Variants in MDGA2 observed in about 807,000 individuals in gnomAD.
The protein encoded by MDGA2 is MAM domain containing glycosylphosphatidylinositol anchor 2, also known as MAM domain-containing glycosylphosphatidylinositol anchor protein 2.
In MDGA2, 40 loss-of-function variants were observed where a neutral mutation model predicts 117.8. The observed-to-expected ratio is 0.34, with a 90% CI of 0.26 to 0.44. MDGA2 has a LOEUF of 0.44. MDGA2 is among the 20% of genes least tolerant of loss of function. MDGA2 has a pLI of 1.00. For missense variants in MDGA2, 1,123 were observed against 1,250.6 expected (o/e 0.90, Z 1.54); for synonymous variants, 452 against 439.0 (o/e 1.03, Z -0.37).
chr14:47,269,378 A>C lies in MDGA2; in HGVS notation c.420+32033T>G, dbSNP rs1888071398. 2.0e-5 allele frequency among the ~76,000 whole-genome samples: 3 copies of C among 152,186 alleles called. No homozygotes were observed. In the South Asian group the frequency reaches 6.2e-4, roughly 31 times the overall value. On this transcript the variant is annotated intron_variant, in intron 2 of 16. Transcript: ENST00000399232. ...CCAATTTCCTTATCCAAAAAGTAAA[A>C]AGACTAGACAGGACAGTTTTCATAG...
chr14:47,658,074 C>T (rs538068619), intron 1 of MDGA2, among the ~76,000 whole-genome samples: 1 of 152,186 alleles, frequency 6.6e-6, no homozygotes, highest in East Asian at 1.9e-4. Flanking sequence ...GGACACTTTT[C>T]TTAGGGACAA....
At chr14:47,100,673 A>G (rs1015337602) in intron 5 of MDGA2, among the ~76,000 whole-genome samples, 1 of 152,198 alleles carries the variant, frequency 6.6e-6, no homozygotes, top group African/African-American at 2.4e-5. Flanking sequence ...ACAGTATGAA[A>G]TATTTATTTG....
intron 7 of MDGA2, among the ~76,000 whole-genome samples, chr14:47,053,707 C>A (rs1889558082): frequency 6.8e-6 from 1 of 147,512 alleles, no homozygotes; most frequent in African/African-American, 2.5e-5. Flanking sequence ...GTCTGAGAAT[C>A]AGAATCCTTT....
chr14:47,003,051 C>T (rs976873240), intron 8 of MDGA2, among the ~76,000 whole-genome samples: 4 of 152,054 alleles, frequency 2.6e-5, no homozygotes, highest in Admixed American at 6.6e-5. Context: ...TCTCTCTCAC[C>T]GTACATTAGT....
intron 1 of MDGA2, among the ~76,000 whole-genome samples, chr14:47,316,321 TACAAAATCCA>T (rs1177774735): frequency 6.6e-6 from 1 of 152,124 alleles, no homozygotes; most frequent in Non-Finnish European, 1.5e-5. Context: ...CAATAATTTC[TACAAAATCCA>T]AAGAAACCAA....
intron 1 of MDGA2, among the ~76,000 whole-genome samples, chr14:47,396,715 C>T (rs4329827): frequency 0.72 from 109,504 of 152,062 alleles, 39,694 homozygotes; most frequent in Middle Eastern, 0.82. Flanking sequence ...ATTTATGTGG[C>T]CAACAAGTAT....
intron 3 of MDGA2, among the ~76,000 whole-genome samples, chr14:47,181,146 A>G (rs1403706455): frequency 6.6e-6 from 1 of 152,138 alleles, no homozygotes; most frequent in Non-Finnish European, 1.5e-5. Context: ...ATAGGTATAC[A>G]TGAGCCATCG....
At chr14:46,952,559 G>A (rs1885406342) in intron 9 of MDGA2, among the ~76,000 whole-genome samples, 1 of 151,922 alleles carries the variant, frequency 6.6e-6, no homozygotes, top group African/African-American at 2.4e-5. Context: ...TCAGAGAAAA[G>A]CATTTACAGC....
At chr14:47,549,044 G>A (rs1047195975) in intron 1 of MDGA2, among the ~76,000 whole-genome samples, 4 of 152,094 alleles carry the variant, frequency 2.6e-5, no homozygotes, top group African/African-American at 9.7e-5. Flanking sequence ...TCAGGGATCT[G>A]CCAGACAGGT....
chr14:47,515,311 C>T (rs1001482052), intron 1 of MDGA2, among the ~76,000 whole-genome samples: 1 of 152,132 alleles, frequency 6.6e-6, no homozygotes, highest in African/African-American at 2.4e-5. Flanking sequence ...TGCTGCTGGA[C>T]TCTCCATTTG....
At chr14:47,345,926 G>T (rs368055144) in intron 1 of MDGA2, among the ~76,000 whole-genome samples, 1 of 151,964 alleles carries the variant, frequency 6.6e-6, no homozygotes, top group Admixed American at 6.6e-5. Context: ...GGACACTAAA[G>T]GTTGGGAAGG....
chr14:46,933,967 G>A (rs187456980), intron 9 of MDGA2, among the ~76,000 whole-genome samples: 17 of 150,720 alleles, frequency 1.1e-4, no homozygotes, highest in Admixed American at 5.3e-4. Flanking sequence ...AAAAAATGAT[G>A]AAAAATATGA....
At chr14:47,527,944 G>C (rs1245125587) in intron 1 of MDGA2, among the ~76,000 whole-genome samples, 2 of 152,222 alleles carry the variant, frequency 1.3e-5, no homozygotes, top group African/African-American at 2.4e-5. Context: ...AGAAACTTGA[G>C]CATGTTTACA....
At chr14:47,352,228 G>C (rs975965317) in intron 1 of MDGA2, among the ~76,000 whole-genome samples, 11 of 152,106 alleles carry the variant, frequency 7.2e-5, no homozygotes, top group African/African-American at 2.7e-4. Context: ...CATTACTTTA[G>C]TCAAGCCCAA....
At chr14:47,410,645 G>A (rs8022266) in intron 1 of MDGA2, among the ~76,000 whole-genome samples, 27,658 of 151,798 alleles carry the variant, frequency 0.18, 2,640 homozygotes, top group Admixed American at 0.26. Flanking sequence ...GAGAAAATAC[G>A]CCATTTCAGA....
At chr14:47,301,291 CCACCCA>C (rs757006243) in intron 2 of MDGA2, 114 bp downstream of exon 2, 22 of 869,684 alleles carry the variant, frequency 2.5e-5, no homozygotes, top group African/African-American at 5.9e-5. Flanking sequence ...ACACCCACAC[CCACCCA>C]CACACACACA....
intron 8 of MDGA2, among the ~76,000 whole-genome samples, chr14:47,012,617 T>A (rs939668989): frequency 6.6e-6 from 1 of 152,154 alleles, no homozygotes; most frequent in Non-Finnish European, 1.5e-5. Context: ...CTTACTATAG[T>A]GTTTAGCATA....
chr14:47,135,471 A>G (rs532278309), intron 4 of MDGA2, among the ~76,000 whole-genome samples: 44 of 152,246 alleles, frequency 2.9e-4, no homozygotes, highest in African/African-American at 1.0e-3. Flanking sequence ...TGGAGTTGCA[A>G]TGTTTGCTAG....
At chr14:47,043,332 A>G (rs1003811254) in intron 7 of MDGA2, among the ~76,000 whole-genome samples, 5 of 152,114 alleles carry the variant, frequency 3.3e-5, no homozygotes, top group African/African-American at 4.8e-5. Flanking sequence ...TTGGATACTT[A>G]CTAGAAACAA....
Sources: allele counts gnomAD v4.1 joint callset (sites outside exome capture counted in the v4.1 genomes callset), GRCh38; gene constraint gnomAD v4.1.1; transcripts MANE v1.5; gene names NCBI Gene and HGNC (gene_info 2026-07-23, HGNC 2026-07-21).